TMEM237: variants seen among roughly 807,000 people sequenced by gnomAD.
TMEM237 encodes the protein transmembrane protein 237, also known as amyotrophic lateral sclerosis 2 (juvenile) chromosome region, candidate 4.
In TMEM237, 51 loss-of-function variants were observed where a neutral mutation model predicts 59.1. The observed-to-expected ratio is 0.86, with a 90% CI of 0.69 to 1.09. The LOEUF (loss-of-function observed/expected upper bound fraction) is 1.09, where lower values mean the gene tolerates loss of function less well. Ranked by LOEUF, TMEM237 falls within the 50% of genes least tolerant of loss-of-function variation. TMEM237 has a pLI of 0.00. For missense variants in TMEM237, 475 were observed against 478.3 expected (o/e 0.99, Z 0.06); for synonymous variants, 140 against 166.1 (o/e 0.84, Z 1.21).
At position 201,626,496 on chromosome 2, in the gene TMEM237, A is replaced by G. The variant is rs551715373; in HGVS notation, c.1038-349T>C. Among the ~76,000 whole-genome samples, 3 of 151,238 alleles carry G rather than the reference A, an allele frequency of 2.0e-5. No individual in the cohort carries two copies. In the South Asian group the frequency reaches 6.3e-4, roughly 32 times the overall value. ...CCTAATGTCCCTAGCCACTCTCTCA[A>G]AAAAGACTACTTTTGGATGCTACGT... On this transcript the variant is annotated intron_variant, in intron 11 of 12. Transcript: ENST00000409883.
intron 4 of TMEM237, among the ~76,000 whole-genome samples, chr2:201,638,134 G>A (rs1332922072): frequency 6.6e-6 from 1 of 152,168 alleles, no homozygotes; most frequent in Non-Finnish European, 1.5e-5. Context: ...AAATAACAGA[G>A]CAGTGATTAT....
chr2:201,631,460 C>T (rs1957807161), intron 7 of TMEM237: 1 of 152,306 alleles, frequency 6.6e-6, no homozygotes, highest in Admixed American at 6.5e-5. Flanking sequence ...GAATATACAG[C>T]TATAATGTTG....
At chr2:201,642,414 G>C (rs1687442679) in intron 1 of TMEM237, among the ~76,000 whole-genome samples, 1 of 152,150 alleles carries the variant, frequency 6.6e-6, no homozygotes, top group Non-Finnish European at 1.5e-5. Context: ...ACAGTCACAG[G>C]AACGCGCTAT....
chr2:201,629,709 A>G lies in TMEM237; in HGVS notation c.677+20T>C, dbSNP rs1277136367. The G allele has an allele frequency of 1.3e-6, 2 of 1,584,500 alleles. No homozygotes were observed. The highest frequency in any genetic ancestry group is 4.5e-5 in the East Asian group (2 of 44,644). ...CTCAGTTAACATTTATTTTAAGAAA[A>G]GTCCAACAAAAGCAGCCACCTGAAA... is the stretch of plus-strand genomic sequence containing the variant. On this transcript the variant is annotated intron_variant, in intron 8 of 12. Transcript: ENST00000409883.
intron 7 of TMEM237, 120 bp from the exon 8 acceptor site, chr2:201,629,972 T>C: frequency 3.1e-6 from 4 of 1,306,386 alleles, no homozygotes; most frequent in Admixed American, 2.7e-5. Flanking sequence ...CTGTTCTATC[T>C]GAAAATTCTC....
rs1186790389 is a variant in TMEM237 at position 201,620,214 on chromosome 2, T to C, written c.*4041A>G. 6.6e-6 allele frequency: 1 copy of C among 152,176 alleles called. No homozygotes were observed. The highest frequency in any genetic ancestry group is 2.4e-5 in the African/African-American group (1 of 41,446). The allele number at this position is 152,176 out of a possible 1,614,324, so 9.4% of individuals were successfully genotyped here. A position where few individuals can be genotyped will look rare whatever the true frequency, so the allele number is the denominator to read the frequency against. On this transcript the variant is annotated 3_prime_UTR_variant, in exon 13 of 13. Coordinates refer to ENST00000409883, the MANE Select transcript of TMEM237 (RefSeq NM_001044385.3). ...AATTCCAGAACTTCTTTATTGTACA[T>C]AAAAATCTGAATTTCTTAATATGGA... is the stretch of plus-strand genomic sequence containing the variant.
At chr2:201,642,899 C>T (rs1687459326) in intron 1 of TMEM237, 4 of 1,340,526 alleles carry the variant, frequency 3.0e-6, no homozygotes, top group Non-Finnish European at 3.8e-6. Flanking sequence ...GCAATCACAG[C>T]TTTCCCGTGG....
intron 8 of TMEM237, 71 bp downstream of exon 8, chr2:201,629,658 G>T: frequency 6.5e-7 from 1 of 1,550,128 alleles, no homozygotes; most frequent in Non-Finnish European, 8.7e-7. Context: ...ACAACCAAGA[G>T]GTTATTTTTT....
At chr2:201,641,168 T>G (rs1687408456) in intron 1 of TMEM237, among the ~76,000 whole-genome samples, 1 of 152,144 alleles carries the variant, frequency 6.6e-6, no homozygotes, top group Non-Finnish European at 1.5e-5. Flanking sequence ...ATTTTTGTAT[T>G]TTTAGTAGAG....
Position 201,636,886 on chromosome 2 carries a change from C to T in TMEM237, c.137-1G>A. On this transcript the variant is annotated splice_acceptor_variant, in intron 4 of 12. Coordinates refer to ENST00000409883, the MANE Select transcript of TMEM237 (RefSeq NM_001044385.3). LOFTEE classifies it high-confidence loss of function. ...GCAAGGCCTTCCAAAGAAGCACTTG[C>T]TATAGAAAAACAGAGTAGAAAAAAA... 1 of 1,596,396 alleles carries T rather than the reference C, an allele frequency of 6.3e-7. No homozygotes were observed.
chr2:201,640,640 A>G (rs1687394779), intron 2 of TMEM237, among the ~76,000 whole-genome samples: 1 of 152,134 alleles, frequency 6.6e-6, no homozygotes, highest in Non-Finnish European at 1.5e-5. Context: ...AAAAGACACC[A>G]AAACAGTTAG....
chr2:201,639,074 A>T (rs1224654233), intron 3 of TMEM237, 29 bp from the exon 4 acceptor site: 1 of 1,552,686 alleles, frequency 6.4e-7, no homozygotes. Flanking sequence ...CGTCAACAGA[A>T]AAGGGTGCCT....
chr2:201,627,361 T>G lies in TMEM237; in HGVS notation c.997A>C (p.Ile333Leu). ...ACAGAAGAAGGTGTGTAAAGGTGGA[T>G]TCTGTCACTTGTCATTTGCTGACTC... ...SLSQQMTSDRIHLYTPSSVNG... is the reference protein window; with the variant it reads ...SLSQQMTSDRLHLYTPSSVNG... Residue 333 changes from isoleucine (I) to leucine (L), a missense_variant, in exon 11 of 13, where the codon ATC becomes CTC. Coordinates refer to ENST00000409883, the MANE Select transcript of TMEM237 (RefSeq NM_001044385.3). 1 of 1,608,958 alleles carries G rather than the reference T, an allele frequency of 6.2e-7. No homozygotes were observed. The highest frequency in any genetic ancestry group is 1.3e-5 in the African/African-American group (1 of 75,000).
chr2:201,623,270 T>C lies in TMEM237; in HGVS notation c.*985A>G. On this transcript the variant is annotated 3_prime_UTR_variant, in exon 13 of 13. Coordinates refer to ENST00000409883, the MANE Select transcript of TMEM237 (RefSeq NM_001044385.3). ...CCTTTGAAACATTTTTTCCCATAGC[T>C]AGTCTTCTCCTCAACTTGAGCTTTA... 2.4e-6 allele frequency: 1 copy of C among 420,736 alleles called. No homozygotes were observed. Among genetic ancestry groups the C allele is most frequent in the Non-Finnish European group, 4.8e-6 (1 of 207,944 alleles). The allele number at this position is 420,736 out of a possible 1,614,324, so 26.1% of individuals were successfully genotyped here.
intron 5 of TMEM237, 148 bp from the exon 6 acceptor site, chr2:201,633,579 A>T (rs1269988998): frequency 5.2e-6 from 3 of 572,948 alleles, no homozygotes; most frequent in Non-Finnish European, 8.1e-6. Context: ...TTTTTTAAAA[A>T]TGTTATACTT....
chr2:201,636,860 A>G lies in TMEM237; in HGVS notation c.162T>C (p.Ala54=). 1 of 1,606,364 alleles carries G rather than the reference A, an allele frequency of 6.2e-7. No homozygotes were observed. Among genetic ancestry groups the G allele is most frequent in the Non-Finnish European group, 8.5e-7 (1 of 1,177,110 alleles). ...TPASASLEGL[A]QTAGRRPSEG... is the part of the protein sequence containing the mutation. ...CAGAGGGCCTTCGACCAGCAGTCTGAGCAAGGCCTTCCAAAGAAGCACTTG... is the reference window on the plus strand; with the variant it reads ...CAGAGGGCCTTCGACCAGCAGTCTGGGCAAGGCCTTCCAAAGAAGCACTTG... The change falls in exon 5 of 13, where the codon GCT becomes GCC. Residue 54 remains alanine (A), a synonymous_variant. Transcript: ENST00000409883.
chr2:201,640,334 G>A, intron 2 of TMEM237, 69 bp from the exon 3 acceptor site: 3 of 1,416,588 alleles, frequency 2.1e-6, no homozygotes, highest in Non-Finnish European at 2.8e-6. Flanking sequence ...CAATTAATTA[G>A]AAACCTGTTA....
Position 201,622,269 on chromosome 2 carries a change from T to C in TMEM237, c.*1986A>G, listed in dbSNP as rs1461333605. The C allele has an allele frequency of 6.6e-6, 1 of 152,248 alleles. No individual in the cohort carries two copies. The highest frequency in any genetic ancestry group is 1.9e-4 in the East Asian group (1 of 5,202). The allele number at this position is 152,248 out of a possible 1,614,324, so 9.4% of individuals were successfully genotyped here. A position where few individuals can be genotyped will look rare whatever the true frequency, so the allele number is the denominator to read the frequency against. On this transcript the variant is annotated 3_prime_UTR_variant, in exon 13 of 13. Transcript: ENST00000409883. ...TTCTCTAGGATATATAGCTTTCTAT[T>C]GCTGCCATAAGCAATCACCACCAAT...
At chr2:201,633,528 T>A (rs1687225273) in intron 5 of TMEM237, 97 bp from the exon 6 acceptor site, 1 of 978,254 alleles carries the variant, frequency 1.0e-6, no homozygotes, top group Non-Finnish European at 1.4e-6. Context: ...TCAAGAATTT[T>A]AATTGGGCAA....
Sources: gnomAD v4.1 joint callset for allele counts (sites outside exome capture counted in the v4.1 genomes callset) on GRCh38, gnomAD v4.1.1 for gene constraint, MANE v1.5 for transcripts, NCBI Gene and HGNC (gene_info 2026-07-23, HGNC 2026-07-21) for gene names.